AGO4: variants seen among roughly 807,000 people sequenced by gnomAD.
The protein encoded by AGO4 is argonaute RISC component 4, also known as protein argonaute-4.
In AGO4, 33 loss-of-function variants were observed where a neutral mutation model predicts 104.7. The observed-to-expected ratio is 0.32, with a 90% CI of 0.24 to 0.42. The LOEUF is 0.42. AGO4 is among the 10% of genes least tolerant of loss of function. The pLI, the probability that AGO4 is intolerant of heterozygous loss-of-function variation, is 1.00. For synonymous variants in AGO4, 331 were observed against 364.7 expected, an observed-to-expected ratio of 0.91 and a Z score of 1.05; for missense variants, 711 against 1,083.4, an observed-to-expected ratio of 0.66 and a Z score of 4.83.
At chr1:35,850,794 A>AAAAAAC (rs1201576146) in intron 16 of AGO4, 60 bp from the exon 17 acceptor site, 110 of 1,100,726 alleles carry the variant, frequency 1.0e-4, no homozygotes, top group Admixed American at 1.9e-4. Flanking sequence ...AAAAAAAAAA[A>AAAAAAC]AAAAACAAAA....
intron 7 of AGO4, among the ~76,000 whole-genome samples, chr1:35,829,283 G>T (rs1644117282): frequency 6.9e-6 from 1 of 144,210 alleles, no homozygotes; most frequent in African/African-American, 2.6e-5. Context: ...TGTATTATTT[G>T]TATTATACCA....
At chr1:35,820,595 G>A (rs1643870367) in intron 2 of AGO4, among the ~76,000 whole-genome samples, 1 of 152,046 alleles carries the variant, frequency 6.6e-6, no homozygotes, top group African/African-American at 2.4e-5. Flanking sequence ...GACCTCAAGT[G>A]ATCTGCCTGC....
intron 12 of AGO4, 137 bp downstream of exon 12, chr1:35,834,311 T>C (rs1394210302): frequency 1.5e-5 from 11 of 744,202 alleles, no homozygotes; most frequent in Non-Finnish European, 1.9e-5. Flanking sequence ...TTCTTGCTCC[T>C]GTTATGCATC....
At position 35,813,803 on chromosome 1, in the gene AGO4, A is replaced by G. The variant is rs369197153; in HGVS notation, c.20-3079A>G. On this transcript the variant is annotated intron_variant, in intron 1 of 17. Transcript: ENST00000373210. Reference sequence around the variant, plus strand: ...AGAGGAAGAGGAAGAAGGAAGAAGGAAGGAAGAAGGAAGAAGAAGAGAGAC... The same window carrying G: ...AGAGGAAGAGGAAGAAGGAAGAAGGGAGGAAGAAGGAAGAAGAAGAGAGAC... 2.0e-5 allele frequency among the ~76,000 whole-genome samples: 3 copies of G among 151,538 alleles called. No individual in the cohort carries two copies. The East Asian group carries it at 5.8e-4, about 30-fold the overall frequency.
In AGO4 at chr1:35,857,452, T is replaced by A. The variant is rs1251801340; in HGVS notation, c.*3847T>A. 6.6e-6 allele frequency: 1 copy of A among 152,252 alleles called. No homozygotes were observed. Among genetic ancestry groups the A allele is most frequent in the Non-Finnish European group, 1.5e-5 (1 of 68,042 alleles). 9.4% of individuals were successfully genotyped at this position (152,252 alleles called of 1,614,324 possible). On this transcript the variant is annotated 3_prime_UTR_variant, in exon 18 of 18. Transcript: ENST00000373210. ...GGTGTGATTTTTGTTTCTATATTAT[T>A]AGACCTGTAATGTTTTAAAATGTAT...
intron 17 of AGO4, among the ~76,000 whole-genome samples, chr1:35,851,970 C>T (rs1422991590): frequency 6.6e-6 from 1 of 152,124 alleles, no homozygotes; most frequent in Non-Finnish European, 1.5e-5. Flanking sequence ...GATAAAAGTG[C>T]AATGGGACAC....
chr1:35,821,824 A>G (rs958091217), intron 2 of AGO4, among the ~76,000 whole-genome samples: 2 of 152,002 alleles, frequency 1.3e-5, no homozygotes, highest in African/African-American at 2.4e-5. Context: ...TGGATCTTAG[A>G]TTTACTGATC....
chr1:35,810,841 A>AC (rs891790038), intron 1 of AGO4, among the ~76,000 whole-genome samples: 1 of 152,118 alleles, frequency 6.6e-6, no homozygotes, highest in African/African-American at 2.4e-5. Flanking sequence ...TTTTTGGGAT[A>AC]CCCTGAAAAT....
chr1:35,844,897 C>G (rs1410106095), intron 15 of AGO4, among the ~76,000 whole-genome samples: 2 of 152,208 alleles, frequency 1.3e-5, no homozygotes, highest in Non-Finnish European at 2.9e-5. Flanking sequence ...GACTTTCTAT[C>G]TGTACTTTCT....
At chr1:35,840,499 G>A (rs868151119) in intron 13 of AGO4, among the ~76,000 whole-genome samples, 2 of 149,474 alleles carry the variant, frequency 1.3e-5, no homozygotes, top group Admixed American at 6.7e-5. Context: ...GGGTTTCACC[G>A]TGTTGGCCAG....
rs1180282476 is a variant in AGO4, at chr1:35,855,015, C to T, written c.*1410C>T. 6.6e-6 allele frequency: 1 copy of T among 152,584 alleles called. No individual in the cohort carries two copies. The highest frequency in any genetic ancestry group is 1.5e-5 in the Non-Finnish European group (1 of 68,038). 9.5% of individuals were successfully genotyped at this position (152,584 alleles called of 1,614,324 possible). A position where few individuals can be genotyped will look rare whatever the true frequency, so the allele number is the denominator to read the frequency against. ...CCAAACAAAGGGAGTTGCTCTAAAG[C>T]GAGCATCAGTTAAAATGTAGGGGAA... On this transcript the variant is annotated 3_prime_UTR_variant, in exon 18 of 18. Coordinates refer to ENST00000373210, the MANE Select transcript of AGO4 (RefSeq NM_017629.4).
chr1:35,850,065 C>T, intron 15 of AGO4, 92 bp from the exon 16 acceptor site: 2 of 755,548 alleles, frequency 2.6e-6, no homozygotes, highest in Non-Finnish European at 2.2e-6. Flanking sequence ...AGACATTTAC[C>T]AACTTGCTCC....
At chr1:35,847,611 T>C (rs1298733504) in intron 15 of AGO4, among the ~76,000 whole-genome samples, 2 of 152,180 alleles carry the variant, frequency 1.3e-5, no homozygotes, top group African/African-American at 4.8e-5. Flanking sequence ...CTTTAAAAGA[T>C]CTCTAGATTA....
intron 12 of AGO4, 136 bp from the exon 13 acceptor site, chr1:35,835,695 GGAA>G: frequency 1.6e-6 from 1 of 632,184 alleles, no homozygotes; most frequent in East Asian, 3.4e-5. Context: ...GCAGATAAAA[GGAA>G]GACACATGAG....
chr1:35,808,619 A>G lies in AGO4; in HGVS notation c.19+184A>G, dbSNP rs1398731223. Among the ~76,000 whole-genome samples the G allele has an allele frequency of 6.6e-6, 1 of 151,966 alleles. No individual in the cohort carries two copies. The highest frequency in any genetic ancestry group is 1.5e-5 in the Non-Finnish European group (1 of 67,954). ...GCCTGGGGGGCGGTGACCGCGCCCC[A>G]GCCGGCCGTTGGGTGGATCCCGAGG... On this transcript the variant is annotated intron_variant, in intron 1 of 17. Coordinates refer to ENST00000373210, the MANE Select transcript of AGO4 (RefSeq NM_017629.4). This position sits in a 1 kb window ranked among gnomAD's most constrained non-coding sequence, Gnocchi z 5.2.
chr1:35,841,780 C>G lies in AGO4; in HGVS notation c.2175+30C>G. 1.3e-6 allele frequency: 2 copies of G among 1,592,062 alleles called. No homozygotes were observed. Among genetic ancestry groups the G allele is most frequent in the Non-Finnish European group, 1.7e-6 (2 of 1,166,854 alleles). On this transcript the variant is annotated intron_variant, in intron 15 of 17. Transcript: ENST00000373210. The surrounding 1 kb of genome is among the most constrained non-coding windows in gnomAD (Gnocchi z 4.7). ...GAAGATATAATATAAGCTTTGTTAT[C>G]TGAGGCTCTGGCAAGAGATGTATAT...
intron 6 of AGO4, 79 bp downstream of exon 6, chr1:35,826,139 C>T (rs887377341): frequency 1.3e-6 from 2 of 1,560,080 alleles, no homozygotes; most frequent in African/African-American, 1.4e-5. Context: ...GTCACACAGA[C>T]CTGGGCTTCG....
intron 17 of AGO4, 90 bp downstream of exon 17, chr1:35,851,143 AAACTTTCAG>A: frequency 4.7e-6 from 6 of 1,279,694 alleles, no homozygotes; most frequent in Non-Finnish European, 6.5e-6. Context: ...TTAAGGATTT[AAACTTTCAG>A]AGTTTAAATT....
chr1:35,841,607 G>C lies in AGO4; in HGVS notation c.2041-9G>C. On this transcript the variant is annotated splice_polypyrimidine_tract_variant and intron_variant, in intron 14 of 17. Transcript: ENST00000373210. This position sits in a 1 kb window ranked among gnomAD's most constrained non-coding sequence, Gnocchi z 4.7. The stretch of plus-strand genomic sequence containing the variant: ...CTCAATTAAACATAATTCCATTTCT[G>C]TCTTCTAGGTAGCTTGGCCAGAACT... 6.2e-7 allele frequency: 1 copy of C among 1,613,964 alleles called. No individual in the cohort carries two copies. Among genetic ancestry groups the C allele is most frequent in the Non-Finnish European group, 8.5e-7 (1 of 1,179,956 alleles).
Sources: allele counts gnomAD v4.1 joint callset (sites outside exome capture counted in the v4.1 genomes callset), GRCh38; gene constraint gnomAD v4.1.1; non-coding constraint Gnocchi (gnomAD v3.1); transcripts MANE v1.5; gene names NCBI Gene and HGNC (gene_info 2026-07-23, HGNC 2026-07-21).